The following RBMS3 variants were observed in gnomAD, a reference collection of about 807,000 sequenced individuals.
RBMS3 encodes the protein RNA binding motif single stranded interacting protein 3, also known as RNA-binding motif, single-stranded-interacting protein 3.
In RBMS3, 27 loss-of-function variants were observed where a neutral mutation model predicts 66.8. The ratio of observed to expected loss-of-function variants is 0.40; its 90% CI spans 0.30 to 0.56. The LOEUF (loss-of-function observed/expected upper bound fraction) is 0.56. RBMS3 is among the 20% of genes least tolerant of loss of function. The pLI, the probability that RBMS3 is intolerant of heterozygous loss-of-function variation, is 0.40. For synonymous variants in RBMS3, 188 were observed against 183.0 expected (o/e 1.03, Z -0.22); for missense variants, 513 against 549.5 (o/e 0.93, Z 0.66).
At chr3:29,683,009 C>T (rs999455076) in intron 4 of RBMS3, among the ~76,000 whole-genome samples, 11 of 152,310 alleles carry the variant, frequency 7.2e-5, no homozygotes, top group Middle Eastern at 3.4e-3. Flanking sequence ...TTCAACTTCA[C>T]TGCTTTTCTC....
chr3:29,295,470 G>A (rs1455220230), intron 1 of RBMS3, among the ~76,000 whole-genome samples: 1 of 150,548 alleles, frequency 6.6e-6, no homozygotes, highest in Admixed American at 6.7e-5. Context: ...TCAAGATACA[G>A]CGGGAAAATG....
chr3:29,870,221 T>G (rs914892464), intron 7 of RBMS3, among the ~76,000 whole-genome samples: 1 of 152,144 alleles, frequency 6.6e-6, no homozygotes, highest in Non-Finnish European at 1.5e-5. Flanking sequence ...GTTTTTAGCA[T>G]GGAGTCCAGT....
At chr3:29,334,992 T>C (rs1318158763) in intron 1 of RBMS3, among the ~76,000 whole-genome samples, 1 of 152,200 alleles carries the variant, frequency 6.6e-6, no homozygotes, top group East Asian at 1.9e-4. Flanking sequence ...TGATGACAAA[T>C]ACTCTTTTTG....
At chr3:29,953,996 A>T (rs181951036) in intron 12 of RBMS3, among the ~76,000 whole-genome samples, 14 of 151,338 alleles carry the variant, frequency 9.3e-5, no homozygotes, top group Admixed American at 5.9e-4. Context: ...TATGTTCTTG[A>T]TTTCATCTGC....
intron 3 of RBMS3, among the ~76,000 whole-genome samples, chr3:29,560,743 C>A (rs1275860649): frequency 6.6e-6 from 1 of 152,116 alleles, no homozygotes; most frequent in African/African-American, 2.4e-5. Flanking sequence ...AAATGTCTTT[C>A]TTTTAACTTT....
At chr3:29,561,370 A>C (rs2046544461) in intron 3 of RBMS3, among the ~76,000 whole-genome samples, 1 of 151,974 alleles carries the variant, frequency 6.6e-6, no homozygotes. Context: ...ACTAATTTAC[A>C]CTCCCACCAA....
intron 4 of RBMS3, among the ~76,000 whole-genome samples, chr3:29,626,292 G>C (rs1470465672): frequency 2.6e-5 from 4 of 152,274 alleles, no homozygotes; most frequent in Non-Finnish European, 4.4e-5. Context: ...AACTTAGTTT[G>C]TGATTCAAAG....
At chr3:29,744,510 G>A (rs577681459) in intron 5 of RBMS3, among the ~76,000 whole-genome samples, 15 of 152,234 alleles carry the variant, frequency 9.9e-5, no homozygotes, top group African/African-American at 2.4e-4. Context: ...CCGGCTGGGC[G>A]CGGTGGCTCA....
intron 3 of RBMS3, among the ~76,000 whole-genome samples, chr3:29,579,198 A>G (rs1021295043): frequency 6.6e-6 from 1 of 152,152 alleles, no homozygotes; most frequent in Non-Finnish European, 1.5e-5. Flanking sequence ...TTGTTGCCCA[A>G]TTTTATTATA....
In RBMS3 at chr3:29,428,180, C is replaced by T. The variant is rs534347130; in HGVS notation, c.76-6563C>T. Among the ~76,000 whole-genome samples, 13 of 152,088 alleles carry T rather than the reference C, an allele frequency of 8.5e-5. No homozygotes were observed. The South Asian group carries it at 2.5e-3, about 29-fold the overall frequency. On this transcript the variant is annotated intron_variant, in intron 1 of 14. Transcript: ENST00000383767. ...GGCCTTTCAAGAAGATGGTCTGGATCTACTTAAAATAGTGATTCTCAACTG... is the reference window on the plus strand; with the variant it reads ...GGCCTTTCAAGAAGATGGTCTGGATTTACTTAAAATAGTGATTCTCAACTG...
chr3:29,654,307 G>A (rs1039808154), intron 4 of RBMS3, among the ~76,000 whole-genome samples: 5 of 152,018 alleles, frequency 3.3e-5, no homozygotes, highest in African/African-American at 4.8e-5. Context: ...TTATTAATAC[G>A]TACTTTAAGT....
intron 6 of RBMS3, among the ~76,000 whole-genome samples, chr3:29,861,758 C>T (rs1433965170): frequency 6.6e-6 from 1 of 152,160 alleles, no homozygotes; most frequent in Non-Finnish European, 1.5e-5. Context: ...TTGTATGTTG[C>T]ATGTTTAATA....
chr3:29,724,336 AT>A (rs759834657), intron 4 of RBMS3, among the ~76,000 whole-genome samples: 7 of 152,200 alleles, frequency 4.6e-5, no homozygotes, highest in Non-Finnish European at 1.0e-4. Flanking sequence ...TCCTTATGTA[AT>A]AAAAATTGTA....
At chr3:29,595,291 C>T (rs147135875) in intron 4 of RBMS3, among the ~76,000 whole-genome samples, 1,995 of 150,502 alleles carry the variant, frequency 0.013, 46 homozygotes, top group African/African-American at 0.046. Flanking sequence ...CCCAGCTACT[C>T]GGGAGGCTGA....
chr3:29,922,188 A>G (rs1040941660), intron 10 of RBMS3, among the ~76,000 whole-genome samples: 2 of 152,166 alleles, frequency 1.3e-5, no homozygotes, highest in Non-Finnish European at 2.9e-5. Context: ...CAGTTATTTC[A>G]CAGCAAGATA....
At chr3:29,531,809 A>C (rs2148994196) in intron 3 of RBMS3, among the ~76,000 whole-genome samples, 1 of 152,340 alleles carries the variant, frequency 6.6e-6, no homozygotes, top group South Asian at 2.1e-4. Flanking sequence ...CTTCAGGAAC[A>C]AAAATAGAAC....
At chr3:29,930,627 C>A (rs955257127) in intron 10 of RBMS3, among the ~76,000 whole-genome samples, 1 of 151,924 alleles carries the variant, frequency 6.6e-6, no homozygotes, top group Non-Finnish European at 1.5e-5. Flanking sequence ...TAATAGCACA[C>A]CTCGGCAGTT....
intron 12 of RBMS3, among the ~76,000 whole-genome samples, chr3:29,960,510 C>T (rs1696354984): frequency 6.6e-6 from 1 of 152,180 alleles, no homozygotes; most frequent in Non-Finnish European, 1.5e-5. Context: ...TTTCACAGCT[C>T]CAGTAGGCAG....
At chr3:29,418,301 G>A (rs539717449) in intron 1 of RBMS3, among the ~76,000 whole-genome samples, 65 of 152,184 alleles carry the variant, frequency 4.3e-4, no homozygotes, top group Admixed American at 5.2e-4. Flanking sequence ...GTGTCATTGC[G>A]CAAAATTGTA....
Sources: allele counts gnomAD v4.1 joint callset (sites outside exome capture counted in the v4.1 genomes callset), GRCh38; gene constraint gnomAD v4.1.1; transcripts MANE v1.5; gene names NCBI Gene and HGNC (gene_info 2026-07-23, HGNC 2026-07-21).